The following PRKCH variants were observed in gnomAD, a reference collection of about 807,000 sequenced individuals.
The protein encoded by PRKCH is protein kinase C eta, also known as protein kinase C eta type.
A neutral mutation model predicts 82.5 loss-of-function variants in PRKCH; 28 were observed. The ratio of observed to expected loss-of-function variants is 0.34; its 90% CI spans 0.25 to 0.47. The LOEUF is 0.47. Among genes scored for constraint, PRKCH ranks in the 20% least tolerant of loss-of-function variants. The pLI is 1.00. For missense variants in PRKCH, 705 were observed against 881.8 expected (o/e 0.80, Z 2.54); for synonymous variants, 322 against 327.4 (o/e 0.98, Z 0.18).
At chr14:61,507,261 A>T (rs759215082) in intron 10 of PRKCH, among the ~76,000 whole-genome samples, 34 of 152,176 alleles carry the variant, frequency 2.2e-4, no homozygotes, top group Non-Finnish European at 4.3e-4. Flanking sequence ...ACGTGTTAGG[A>T]TGGTTATCCA....
At chr14:61,255,492 C>T (rs375240529) in intron 1 of PRKCH, among the ~76,000 whole-genome samples, 1 of 152,184 alleles carries the variant, frequency 6.6e-6, no homozygotes, top group Middle Eastern at 3.4e-3. Flanking sequence ...GTGGATGAGG[C>T]AATTTTTCCT....
At chr14:61,424,273 T>C (rs1350084555) in intron 2 of PRKCH, among the ~76,000 whole-genome samples, 2 of 152,102 alleles carry the variant, frequency 1.3e-5, no homozygotes, top group Admixed American at 6.6e-5. Flanking sequence ...TACCCAAAAA[T>C]ATGGAAGCAA....
chr14:61,292,287 C>G (rs942969299), intron 1 of PRKCH, among the ~76,000 whole-genome samples: 1 of 150,874 alleles, frequency 6.6e-6, no homozygotes, highest in African/African-American at 2.4e-5. Context: ...GAGTTCAAGA[C>G]CAGCCTAGGA....
At chr14:61,349,009 A>C (rs1440855263) in intron 1 of PRKCH, among the ~76,000 whole-genome samples, 1 of 152,262 alleles carries the variant, frequency 6.6e-6, no homozygotes, top group Non-Finnish European at 1.5e-5. Flanking sequence ...ATTCGAGTTA[A>C]ATGGAATCAT....
upstream of PRKCH, among the ~76,000 whole-genome samples, chr14:61,321,267 C>T (rs1451231558): frequency 6.6e-6 from 1 of 152,200 alleles, no homozygotes; most frequent in East Asian, 1.9e-4. This position sits in a 1 kb window ranked among gnomAD's most constrained non-coding sequence, Gnocchi z 4.1. Context: ...CCTCGCCGCG[C>T]GGGTTCCTGG....
intron 9 of PRKCH, among the ~76,000 whole-genome samples, chr14:61,460,373 C>T (rs1257217037): frequency 6.6e-6 from 1 of 152,080 alleles, no homozygotes; most frequent in Non-Finnish European, 1.5e-5. Context: ...TGTGCTTATG[C>T]TGGTGTTTCT....
chr14:61,437,111 G>A (rs925945001), intron 2 of PRKCH, among the ~76,000 whole-genome samples: 5 of 152,290 alleles, frequency 3.3e-5, no homozygotes, highest in Admixed American at 6.5e-5. Context: ...ATAAAACCAG[G>A]ATTGTAAAAT....
chr14:61,199,803 G>A (rs1198190271), intron 1 of PRKCH, among the ~76,000 whole-genome samples: 1 of 152,100 alleles, frequency 6.6e-6, no homozygotes, highest in Non-Finnish European at 1.5e-5. Flanking sequence ...AGGAAAGTTT[G>A]GCATTAAACT....
In PRKCH at chr14:61,322,108, T is replaced by C. The variant is rs1175984995; in HGVS notation, c.7T>C (p.Ser3Pro). ...CCGGGGCAGCGGCGCCGGCATGTCG[T>C]CTGGCACCATGAAGTTCAATGGCTA... is the stretch of plus-strand genomic sequence containing the variant. MS[S>P]GTMKFNGYLR... The change falls in exon 1 of 14, where the codon TCT (serine) becomes CCT (proline). Residue 3 changes from serine (S) to proline (P), a missense_variant. Transcript: ENST00000332981. 6.4e-7 allele frequency: 1 copy of C among 1,561,102 alleles called. No homozygotes were observed. Among genetic ancestry groups the C allele is most frequent in the Admixed American group, 1.8e-5 (1 of 54,092 alleles).
At chr14:61,402,975 C>T (rs1294582376) in intron 2 of PRKCH, among the ~76,000 whole-genome samples, 1 of 151,904 alleles carries the variant, frequency 6.6e-6, no homozygotes, top group Non-Finnish European at 1.5e-5. Context: ...GCGCTGCACC[C>T]ACTAACTCAT....
At chr14:61,211,873 C>CA (rs983804536) in intron 1 of PRKCH, among the ~76,000 whole-genome samples, 8 of 152,078 alleles carry the variant, frequency 5.3e-5, no homozygotes, top group African/African-American at 1.9e-4. Flanking sequence ...GAAAAAATGA[C>CA]AAAAAATAAC....
At chr14:61,221,176 C>T (rs1231178641) in intron 1 of PRKCH, among the ~76,000 whole-genome samples, 2 of 152,178 alleles carry the variant, frequency 1.3e-5, no homozygotes, top group African/African-American at 4.8e-5. Context: ...CAGCGATCGG[C>T]TCAGAGGGAG....
At chr14:61,515,615 C>T (rs1215499054) in intron 10 of PRKCH, among the ~76,000 whole-genome samples, 5 of 152,128 alleles carry the variant, frequency 3.3e-5, no homozygotes, top group East Asian at 1.9e-4. Context: ...GCATTTTGCT[C>T]GTTGCCCAAG....
rs117763128 is a variant in PRKCH, at chr14:61,188,207, G to A, written c.-19+539G>A. Among the ~76,000 whole-genome samples, 1,209 of 152,338 alleles carry A rather than the reference G, an allele frequency of 7.9e-3. 10 individuals carry two copies. The highest frequency in any genetic ancestry group is 0.013 in the Non-Finnish European group (871 of 68,036). ...CCCCCGGGGCACCCATAACTGTCCTGTCTTGAGAGACAAGTGCTGGCTTTA... is the reference window on the plus strand; with the variant it reads ...CCCCCGGGGCACCCATAACTGTCCTATCTTGAGAGACAAGTGCTGGCTTTA... On this transcript the variant is annotated intron_variant, in intron 1 of 3. Transcript: ENST00000555185.
rs1884606912 is a variant in PRKCH, at chr14:61,453,423, G to A, written c.960+70G>A. Reference sequence around the variant, plus strand: ...TCAGATGTGATGAGCCCAAATGAGAGCATGTGGCCTCATCAAAGTTCCTAA... The same window carrying A: ...TCAGATGTGATGAGCCCAAATGAGAACATGTGGCCTCATCAAAGTTCCTAA... On this transcript the variant is annotated intron_variant, in intron 7 of 13. Transcript: ENST00000332981. 4 of 1,513,694 alleles carry A rather than the reference G, an allele frequency of 2.6e-6. No individual in the cohort carries two copies. The South Asian group carries it at 3.8e-5, about 14-fold the overall frequency. The allele number at this position is 1,513,694 out of a possible 1,614,324, so 93.8% of individuals were successfully genotyped here.
At chr14:61,249,261 A>C (rs2044917848) in intron 1 of PRKCH, among the ~76,000 whole-genome samples, 1 of 152,220 alleles carries the variant, frequency 6.6e-6, no homozygotes, top group Admixed American at 6.5e-5. Context: ...CAGTGACTGC[A>C]GCTTCATCTG....
Position 61,280,548 on chromosome 14 carries a change from G to T in PRKCH, c.-19+92880G>T, listed in dbSNP as rs1266997351. ...GGTTGCGGAACTTGACGTGGTAGTC[G>T]GTCCACCAGGCGATGCCGGAGCGGT... On this transcript the variant is annotated intron_variant, in intron 1 of 3. Coordinates refer to the PRKCH transcript ENST00000555185. The surrounding 1 kb of genome is among the most constrained non-coding windows in gnomAD (Gnocchi z 5.0). The T allele has an allele frequency of 6.2e-7, 1 of 1,611,252 alleles. No individual in the cohort carries two copies. Among genetic ancestry groups the T allele is most frequent in the Admixed American group, 1.7e-5 (1 of 59,760 alleles).
chr14:61,351,992 T>C (rs1424589101), intron 1 of PRKCH, among the ~76,000 whole-genome samples: 3 of 152,120 alleles, frequency 2.0e-5, no homozygotes, highest in African/African-American at 4.8e-5. Flanking sequence ...GCTTTCACGT[T>C]TTTCACGGTC....
chr14:61,280,611 C>T lies in PRKCH; in HGVS notation c.-19+92943C>T, dbSNP rs1196585101. ...CGACGTAGGGCCCGCCGGGCTGGCG[C>T]TGGTGCCAAAGCGAGAAGGAGTCGT... is the stretch of plus-strand genomic sequence containing the variant. On this transcript the variant is annotated intron_variant, in intron 1 of 3. Transcript: ENST00000555185. The surrounding 1 kb of genome is among the most constrained non-coding windows in gnomAD (Gnocchi z 5.0). 6.3e-7 allele frequency: 1 copy of T among 1,584,660 alleles called. No individual in the cohort carries two copies. The highest frequency in any genetic ancestry group is 1.8e-5 in the Admixed American group (1 of 54,710).
Sources: gnomAD v4.1 joint callset for allele counts (sites outside exome capture counted in the v4.1 genomes callset) on GRCh38, gnomAD v4.1.1 for gene constraint, Gnocchi (gnomAD v3.1) non-coding constraint, MANE v1.5 for transcripts, NCBI Gene and HGNC (gene_info 2026-07-23, HGNC 2026-07-21) for gene names.